The following MEMO1 variants were observed in gnomAD, a reference collection of about 807,000 sequenced individuals.
MEMO1 encodes protein MEMO1.
Under a neutral mutation model 45.2 loss-of-function variants are expected in MEMO1, and 6 were observed. The ratio of observed to expected loss-of-function variants is 0.13; its 90% CI spans 0.07 to 0.26. The LOEUF (loss-of-function observed/expected upper bound fraction) is 0.26. MEMO1 is among the 10% of genes least tolerant of loss of function. MEMO1 has a pLI of 1.00. For missense variants in MEMO1, 184 were observed against 370.5 expected, an observed-to-expected ratio of 0.50 and a Z score of 4.13; for synonymous variants, 78 against 124.3, an observed-to-expected ratio of 0.63 and a Z score of 2.48.
chr2:31,966,268 T>C (rs144637571), intron 2 of MEMO1, among the ~76,000 whole-genome samples: 5 of 151,990 alleles, frequency 3.3e-5, no homozygotes, highest in African/African-American at 1.2e-4. Flanking sequence ...ACTGTTTAAA[T>C]AGAGACTTAT....
At chr2:31,893,378 T>G in intron 6 of MEMO1, 1 of 1,096,950 alleles carries the variant, frequency 9.1e-7, no homozygotes, top group Non-Finnish European at 1.1e-6. Flanking sequence ...AGGATCTCTT[T>G]CTCTAACTGT....
At chr2:31,958,238 G>A (rs1289028066) in intron 2 of MEMO1, among the ~76,000 whole-genome samples, 1 of 152,002 alleles carries the variant, frequency 6.6e-6, no homozygotes, top group Non-Finnish European at 1.5e-5. Flanking sequence ...TATCCACTCT[G>A]CCAAACACTT....
At chr2:31,925,552 C>T (rs1440029024) in intron 4 of MEMO1, among the ~76,000 whole-genome samples, 1 of 149,790 alleles carries the variant, frequency 6.7e-6, no homozygotes, top group Non-Finnish European at 1.5e-5. Context: ...TAAATCAAGT[C>T]ACCCTCTTAA....
chr2:32,005,156 G>C (rs573693785), intron 2 of MEMO1, among the ~76,000 whole-genome samples: 2 of 151,410 alleles, frequency 1.3e-5, no homozygotes, highest in Non-Finnish European at 2.9e-5. Context: ...ATGTAACACC[G>C]AGCAAAAGCT....
At chr2:31,981,925 C>CA (rs1414533872) in intron 2 of MEMO1, among the ~76,000 whole-genome samples, 1 of 152,030 alleles carries the variant, frequency 6.6e-6, no homozygotes, top group African/African-American at 2.4e-5. Context: ...GTTAACCAAA[C>CA]AAAAAAATTT....
intron 4 of MEMO1, among the ~76,000 whole-genome samples, chr2:31,921,739 A>G (rs1490282558): frequency 3.9e-5 from 6 of 152,140 alleles, no homozygotes; most frequent in Non-Finnish European, 8.8e-5. Context: ...CTATTTCCAT[A>G]TTTCTTCCAT....
In MEMO1 at chr2:31,892,087, C is replaced by G; in HGVS notation, c.485G>C (p.Ser162Thr). 1 of 1,612,748 alleles carries G rather than the reference C, an allele frequency of 6.2e-7. No individual in the cohort carries two copies. Among genetic ancestry groups the G allele is most frequent in the Non-Finnish European group, 8.5e-7 (1 of 1,179,220 alleles). ...TIIPVLVGAL[S>T]ESKEQEFGKL... Reference sequence around the variant, plus strand: ...TCCGAATTCCTGTTCTTTTGACTCACTCAGAGCTCCAACCAGTACAGGAAT... The same window carrying G: ...TCCGAATTCCTGTTCTTTTGACTCAGTCAGAGCTCCAACCAGTACAGGAAT... Residue 162 changes from serine to threonine, a missense_variant, in exon 7 of 10, where the codon AGT (serine) becomes ACT (threonine). By Grantham distance (58) the Ser-to-Thr change is moderately conservative. This residue lies in a region of MEMO1 where 97 missense variants were observed against 209.3 expected (regional missense o/e 0.46). Transcript: ENST00000404530.
At chr2:31,927,366 T>C (rs1572706264) in intron 4 of MEMO1, among the ~76,000 whole-genome samples, 1 of 152,162 alleles carries the variant, frequency 6.6e-6, no homozygotes, top group South Asian at 2.1e-4. Context: ...AGATTTCGCA[T>C]TATAACTAAC....
chr2:31,941,596 G>A (rs1316102039), intron 3 of MEMO1, among the ~76,000 whole-genome samples: 1 of 152,194 alleles, frequency 6.6e-6, no homozygotes, highest in Non-Finnish European at 1.5e-5. Context: ...TTGGCCTTTA[G>A]CCTGGTATGT....
At chr2:32,005,155 C>T (rs1572960792) in intron 2 of MEMO1, among the ~76,000 whole-genome samples, 1 of 151,688 alleles carries the variant, frequency 6.6e-6, no homozygotes, top group Non-Finnish European at 1.5e-5. Context: ...AATGTAACAC[C>T]GAGCAAAAGC....
At chr2:31,914,789 T>TA (rs962106207) in intron 6 of MEMO1, among the ~76,000 whole-genome samples, 23 of 149,634 alleles carry the variant, frequency 1.5e-4, no homozygotes, top group Non-Finnish European at 3.1e-4. Context: ...TCCCGTCTCT[T>TA]AAAAAAAAAG....
chr2:31,953,939 A>G lies in MEMO1; in HGVS notation c.62-10556T>C, dbSNP rs372690167. On this transcript the variant is annotated intron_variant, in intron 2 of 9. Coordinates refer to ENST00000404530, the MANE Select transcript of MEMO1 (RefSeq NM_001301833.4). Reference sequence around the variant, plus strand: ...TTAAAATCTAATGTCCCACTCCTCAATGATATTTGGTATTTCAAAATAAAT... The same window carrying G: ...TTAAAATCTAATGTCCCACTCCTCAGTGATATTTGGTATTTCAAAATAAAT... Among the ~76,000 whole-genome samples, 34 of 152,312 alleles carry G rather than the reference A, an allele frequency of 2.2e-4. No individual in the cohort carries two copies. In the East Asian group the frequency reaches 6.0e-3, roughly 27 times the overall value.
chr2:31,934,180 C>T (rs1260836317), intron 3 of MEMO1, among the ~76,000 whole-genome samples: 1 of 152,136 alleles, frequency 6.6e-6, no homozygotes, highest in Non-Finnish European at 1.5e-5. Flanking sequence ...CACTCATATA[C>T]CATCCCTTCA....
intron 4 of MEMO1, among the ~76,000 whole-genome samples, chr2:31,925,011 C>A (rs2148202603): frequency 6.6e-6 from 1 of 152,036 alleles, no homozygotes. Flanking sequence ...TTAAAATGGG[C>A]TCTACACTCT....
At chr2:31,963,428 T>C (rs1379515805) in intron 2 of MEMO1, 8 of 744,586 alleles carry the variant, frequency 1.1e-5, no homozygotes, top group Non-Finnish European at 1.5e-5. Context: ...CTATGACAGG[T>C]GAAAACAAAA....
chr2:32,003,542 A>G (rs1010997505), intron 2 of MEMO1, among the ~76,000 whole-genome samples: 1 of 152,134 alleles, frequency 6.6e-6, no homozygotes, highest in Non-Finnish European at 1.5e-5. Context: ...TTACTTCAAC[A>G]AAAAAAATTT....
chr2:31,949,639 G>GTA (rs1349233845), intron 2 of MEMO1, among the ~76,000 whole-genome samples: 2 of 23,494 alleles, frequency 8.5e-5, no homozygotes, highest in African/African-American at 2.7e-4. Context: ...TGGTTAATGG[G>GTA]TACAAAAAAA....
At chr2:31,968,744 T>C (rs949098958) in intron 2 of MEMO1, among the ~76,000 whole-genome samples, 2 of 152,182 alleles carry the variant, frequency 1.3e-5, no homozygotes, top group African/African-American at 2.4e-5. Flanking sequence ...CACAATTCAA[T>C]GTCTATTTGT....
At chr2:32,001,716 T>C (rs1673339541) in intron 2 of MEMO1, among the ~76,000 whole-genome samples, 2 of 152,052 alleles carry the variant, frequency 1.3e-5, no homozygotes, top group South Asian at 2.1e-4. Flanking sequence ...AACTCTACTA[T>C]TTACAAGTAA....
Sources: gnomAD v4.1 joint callset for allele counts (sites outside exome capture counted in the v4.1 genomes callset) on GRCh38, gnomAD v4.1.1 for gene constraint, gnomAD v4.1.1 regional missense constraint, MANE v1.5 for transcripts, NCBI Gene and HGNC (gene_info 2026-07-23, HGNC 2026-07-21) for gene names.